ZNF679: variants seen among roughly 807,000 people sequenced by gnomAD.
ZNF679 encodes zinc finger protein 679, also known as hypothetical protein MGC42415.
In ZNF679, 10 loss-of-function variants were observed where a neutral mutation model predicts 13.4. The observed-to-expected ratio is 0.75, with a 90% CI of 0.46 to 1.27. The LOEUF (loss-of-function observed/expected upper bound fraction) is 1.27. Ranked by LOEUF, ZNF679 falls within the 50% of genes most tolerant of loss-of-function variation. The pLI is 0.00. For synonymous variants in ZNF679, 179 were observed against 162.5 expected (o/e 1.10, Z -0.77); for missense variants, 525 against 477.8 (o/e 1.10, Z -0.92).
intron 1 of ZNF679, among the ~76,000 whole-genome samples, chr7:64,247,591 G>A (rs1305672580): frequency 6.6e-6 from 1 of 150,494 alleles, no homozygotes; most frequent in Non-Finnish European, 1.5e-5. Context: ...CAGTCGCTCT[G>A]TCACCAGGCT....
intron 2 of ZNF679, 58 bp from the exon 3 acceptor site, chr7:64,260,163 A>G (rs1788055726): frequency 6.8e-7 from 1 of 1,481,262 alleles, no homozygotes; most frequent in East Asian, 2.3e-5. Flanking sequence ...GCCTACGGCC[A>G]CATAGTAAGT....
At chr7:64,262,831 A>T (rs773024877) in intron 4 of ZNF679, among the ~76,000 whole-genome samples, 1 of 152,216 alleles carries the variant, frequency 6.6e-6, no homozygotes, top group Non-Finnish European at 1.5e-5. Flanking sequence ...AGGAATAAAT[A>T]TACTTTTGGA....
intron 1 of ZNF679, among the ~76,000 whole-genome samples, chr7:64,247,616 C>T (rs551515000): frequency 2.5e-4 from 38 of 152,246 alleles, no homozygotes; most frequent in Middle Eastern, 3.4e-3. Flanking sequence ...TGCGGTGGCA[C>T]GATCTCGGCT....
At chr7:64,243,447 A>G (rs1033954056) in intron 1 of ZNF679, among the ~76,000 whole-genome samples, 5 of 152,212 alleles carry the variant, frequency 3.3e-5, no homozygotes, top group African/African-American at 1.2e-4. Context: ...AACATGTTCC[A>G]GGTAGACGAC....
chr7:64,242,531 A>G (rs971148031), intron 1 of ZNF679, among the ~76,000 whole-genome samples: 13 of 152,304 alleles, frequency 8.5e-5, no homozygotes, highest in African/African-American at 3.1e-4. Flanking sequence ...AAATTGGTCA[A>G]TATCCCTCCT....
chr7:64,240,052 C>T (rs1327631548), intron 1 of ZNF679, among the ~76,000 whole-genome samples: 1 of 152,158 alleles, frequency 6.6e-6, no homozygotes, highest in African/African-American at 2.4e-5. Context: ...ATAGCTGGAA[C>T]CAGCTCCCTG....
intron 2 of ZNF679, among the ~76,000 whole-genome samples, chr7:64,258,456 A>C (rs1303379425): frequency 2.0e-5 from 3 of 151,638 alleles, no homozygotes; most frequent in Admixed American, 6.6e-5. Context: ...TAATCCCAAC[A>C]CTTAGGGAGG....
intron 1 of ZNF679, among the ~76,000 whole-genome samples, chr7:64,239,457 A>G (rs1156813002): frequency 2.0e-5 from 3 of 152,154 alleles, no homozygotes; most frequent in Non-Finnish European, 4.4e-5. Context: ...TGTAACTGTG[A>G]CATGCACTTC....
intron 1 of ZNF679, among the ~76,000 whole-genome samples, chr7:64,239,471 C>G (rs534567387): frequency 7.0e-4 from 107 of 152,306 alleles, no homozygotes; most frequent in African/African-American, 2.5e-3. Context: ...GCACTTCTAC[C>G]TAGAACCTTA....
intron 2 of ZNF679, among the ~76,000 whole-genome samples, chr7:64,253,020 G>C (rs1787962271): frequency 6.6e-6 from 1 of 152,088 alleles, no homozygotes; most frequent in African/African-American, 2.4e-5. Flanking sequence ...TCCTGGCCCT[G>C]TTATCTTGAT....
chr7:64,246,915 C>G (rs1361236361), intron 1 of ZNF679, among the ~76,000 whole-genome samples: 2 of 152,168 alleles, frequency 1.3e-5, no homozygotes, highest in Admixed American at 6.5e-5. Flanking sequence ...AAAATACTTA[C>G]AGTTATTTCT....
chr7:64,254,661 G>A (rs1203699407), intron 2 of ZNF679, among the ~76,000 whole-genome samples: 1 of 152,080 alleles, frequency 6.6e-6, no homozygotes, highest in Non-Finnish European at 1.5e-5. Context: ...AAGCATAGAT[G>A]AGTCCCCGGG....
At chr7:64,247,186 C>T (rs570828042) in intron 1 of ZNF679, among the ~76,000 whole-genome samples, 1 of 152,324 alleles carries the variant, frequency 6.6e-6, no homozygotes, top group East Asian at 1.9e-4. Flanking sequence ...TCTGGCTTCT[C>T]TACTGCAAAC....
In ZNF679 at chr7:64,249,041, C is replaced by T. The variant is rs1787906662; in HGVS notation, c.-77C>T. The T allele has an allele frequency of 6.2e-7, 1 of 1,602,832 alleles. No homozygotes were observed. The highest frequency in any genetic ancestry group is 1.7e-5 in the Admixed American group (1 of 58,212). On this transcript the variant is annotated 5_prime_UTR_variant, in exon 2 of 5. Coordinates refer to ENST00000421025, the MANE Select transcript of ZNF679 (RefSeq NM_153363.3). Reference sequence around the variant, plus strand: ...CTCTGCGTCCAGAGCTCCAGTTCTTCTCTTCACTGCTCTGCGTCCTCTGTT... The same window carrying T: ...CTCTGCGTCCAGAGCTCCAGTTCTTTTCTTCACTGCTCTGCGTCCTCTGTT...
chr7:64,247,227 A>G (rs1787881180), intron 1 of ZNF679, among the ~76,000 whole-genome samples: 1 of 152,180 alleles, frequency 6.6e-6, no homozygotes, highest in African/African-American at 2.4e-5. Flanking sequence ...TGTGAACTGC[A>G]TCTTGTGCCA....
rs149544066 is a variant in ZNF679, at chr7:64,258,046, G to A, written c.40-2175G>A. ...AGGCTGCACTGCCTGCCCTATTTCAGTTTGGTAGGAAGAGGTCAGTGCGGT... is the reference window on the plus strand; with the variant it reads ...AGGCTGCACTGCCTGCCCTATTTCAATTTGGTAGGAAGAGGTCAGTGCGGT... On this transcript the variant is annotated intron_variant, in intron 2 of 4. Transcript: ENST00000421025. Among the ~76,000 whole-genome samples, 32 of 152,274 alleles carry A rather than the reference G, an allele frequency of 2.1e-4. No individual in the cohort carries two copies. The East Asian group carries it at 6.0e-3, about 29-fold the overall frequency.
chr7:64,264,201 A>G (rs1788113567), intron 4 of ZNF679, among the ~76,000 whole-genome samples: 1 of 151,860 alleles, frequency 6.6e-6, no homozygotes, highest in Non-Finnish European at 1.5e-5. Context: ...TTTGTGCTAC[A>G]CTGGAGATTT....
chr7:64,242,696 G>A (rs1265226686), intron 1 of ZNF679, among the ~76,000 whole-genome samples: 4 of 152,048 alleles, frequency 2.6e-5, no homozygotes, highest in African/African-American at 4.8e-5. Flanking sequence ...TGTTGTGCTG[G>A]GCCCTACTAT....
rs1562840317 is a variant in ZNF679 at position 64,236,957 on chromosome 7, GAAAGAAAGAAAGAAAGAAAA to G, written c.-91+8307_-91+8326del. The stretch of plus-strand genomic sequence containing the variant: ...AGAAAGAAAGAAAGAAAGAAAGAAA[GAAAGAAAGAAAGAAAGAAAA>G]AGAAAGAAAGAAAGAAAGAAAGAAA... On this transcript the variant is annotated intron_variant, in intron 1 of 4. Transcript: ENST00000421025. Among the ~76,000 whole-genome samples, 8 of 74,274 alleles carry G rather than the reference GAAAGAAAGAAAGAAAGAAAA, an allele frequency of 1.1e-4. No individual in the cohort carries two copies. The East Asian group carries it at 1.3e-3, about 12-fold the overall frequency. The allele number at this position is 74,274 out of a possible 152,430, so 48.7% of individuals were successfully genotyped here. A position where few individuals can be genotyped will look rare whatever the true frequency, so the allele number is the denominator to read the frequency against.
Sources: allele counts gnomAD v4.1 joint callset (sites outside exome capture counted in the v4.1 genomes callset), GRCh38; gene constraint gnomAD v4.1.1; transcripts MANE v1.5; gene names NCBI Gene and HGNC (gene_info 2026-07-23, HGNC 2026-07-21).